Variants in KNTC1 observed in about 807,000 individuals in gnomAD.
The protein encoded by KNTC1 is kinetochore-associated protein 1.
KNTC1 carries 253 observed loss-of-function variants against 314.4 expected under a neutral mutation model. The observed-to-expected ratio is 0.80, with a 90% CI of 0.73 to 0.89. The LOEUF is 0.89. Among genes scored for constraint, KNTC1 ranks in the 40% least tolerant of loss-of-function variants. The pLI, the probability that KNTC1 is intolerant of heterozygous loss-of-function variation, is 0.00. For missense variants in KNTC1, 2,475 were observed against 2,572.9 expected (o/e 0.96, Z 0.82); for synonymous variants, 901 against 901.4 (o/e 1.00, Z 0.01).
intron 37 of KNTC1, 56 bp downstream of exon 37, chr12:122,585,830 A>G (rs1869199513): frequency 1.3e-6 from 2 of 1,560,520 alleles, no homozygotes; most frequent in African/African-American, 2.7e-5. Flanking sequence ...GTAAATTTAA[A>G]CTGTAGAGGT....
intron 57 of KNTC1, among the ~76,000 whole-genome samples, chr12:122,617,250 C>T (rs956032891): frequency 5.3e-5 from 8 of 152,206 alleles, no homozygotes; most frequent in African/African-American, 1.7e-4. Context: ...TTGGGTCTTA[C>T]AGTAACTCTA....
Position 122,568,251 on chromosome 12 carries a change from G to T in KNTC1, c.1605-10G>T, listed in dbSNP as rs1208522099. ...TAAAACTGACTTTTTTCCCTTCTTT[G>T]TCTATTCAGTGGCAGTTCTTGGATT... is the stretch of plus-strand genomic sequence containing the variant. On this transcript the variant is annotated splice_polypyrimidine_tract_variant and intron_variant, in intron 20 of 63. Transcript: ENST00000333479. 1 of 1,299,358 alleles carries T rather than the reference G, an allele frequency of 7.7e-7. No homozygotes were observed. The highest frequency in any genetic ancestry group is 1.3e-5 in the South Asian group (1 of 76,606). The allele number at this position is 1,299,358 out of a possible 1,614,324, so 80.5% of individuals were successfully genotyped here.
At chr12:122,549,101 G>T (rs1963003823) in intron 12 of KNTC1, among the ~76,000 whole-genome samples, 1 of 152,128 alleles carries the variant, frequency 6.6e-6, no homozygotes, top group South Asian at 2.1e-4. Flanking sequence ...ACCCAGACAG[G>T]AGTGTGTGTA....
intron 60 of KNTC1, among the ~76,000 whole-genome samples, chr12:122,620,826 C>T (rs539298421): frequency 6.6e-6 from 1 of 152,108 alleles, no homozygotes; most frequent in African/African-American, 2.4e-5. Context: ...GCCTTATTGT[C>T]TATCAGTGGG....
chr12:122,554,076 A>AAATATATATATATATATATATATATATAT (rs370146333), intron 16 of KNTC1, among the ~76,000 whole-genome samples: 6 of 109,042 alleles, frequency 5.5e-5, no homozygotes, highest in African/African-American at 2.3e-4. Context: ...AAAAAAAAAA[A>AAATATATATATATATATATATATATATAT]ATATATATAT....
At chr12:122,577,631 A>C (rs772644679) in intron 30 of KNTC1, 41 bp from the exon 31 acceptor site, 49 of 1,582,486 alleles carry the variant, frequency 3.1e-5, no homozygotes, top group Non-Finnish European at 3.9e-5. Flanking sequence ...GTCCTTTGCA[A>C]ATACCAGCTG....
At position 122,602,920 on chromosome 12, in the gene KNTC1, T is replaced by C. The variant is rs756846467; in HGVS notation, c.4884+33T>C. The C allele has an allele frequency of 1.1e-4, 165 of 1,563,274 alleles. 1 individual carries two copies. The highest frequency in any genetic ancestry group is 5.0e-4 in the Middle Eastern group (3 of 5,954). ...ATTAAAACATTGTAAGACATTTCTGTATCCTGCAATTAATTCTGACCCCGT... is the reference window on the plus strand; with the variant it reads ...ATTAAAACATTGTAAGACATTTCTGCATCCTGCAATTAATTCTGACCCCGT... On this transcript the variant is annotated intron_variant, in intron 47 of 63. Coordinates refer to ENST00000333479, the MANE Select transcript of KNTC1 (RefSeq NM_014708.6).
chr12:122,590,682 G>A lies in KNTC1; in HGVS notation c.4075G>A (p.Glu1359Lys), dbSNP rs772551615. The change falls in exon 41 of 64, where the codon GAA becomes AAA. Residue 1359 changes from glutamate to lysine, a missense_variant. Glu to Lys is a moderately conservative substitution (Grantham distance 56). Transcript: ENST00000333479. Reference protein sequence around the residue: ...CTLLPQKDVFENLWKLIDKAW... With the variant: ...CTLLPQKDVFKNLWKLIDKAW... ...TCTCTTACCTCAAAAAGATGTGTTT[G>A]AAAATCTCTGGAAGCTCATAGATAA... The A allele has an allele frequency of 4.1e-5, 66 of 1,613,652 alleles. No homozygotes were observed. Among genetic ancestry groups the A allele is most frequent in the East Asian group, 1.1e-4 (5 of 44,842 alleles).
chr12:122,565,106 C>CA (rs1964228410), intron 20 of KNTC1, among the ~76,000 whole-genome samples: 1 of 151,872 alleles, frequency 6.6e-6, no homozygotes, highest in African/African-American at 2.4e-5. Context: ...CTGATGTATG[C>CA]AAAAAAATTT....
chr12:122,579,604 G>GT (rs1387550603), intron 31 of KNTC1, among the ~76,000 whole-genome samples: 2 of 151,930 alleles, frequency 1.3e-5, no homozygotes, highest in Admixed American at 6.6e-5. Context: ...TTTTCCAAAT[G>GT]TTTTTTCAAA....
At position 122,585,736 on chromosome 12, in the gene KNTC1, T is replaced by G; in HGVS notation, c.3635T>G (p.Val1212Gly). The change falls in exon 37 of 64, where the codon GTG becomes GGG. Residue 1212 changes from valine to glycine, a missense_variant. Transcript: ENST00000333479. ...CTTGAGTCACAGATGGTGCTTCCAG[T>G]GATTTATGAACTGATTTCATCTCTT... ...IVLESQMVLP[V>G]IYELISSLVP... is the part of the protein sequence containing the mutation. 1 of 1,613,796 alleles carries G rather than the reference T, an allele frequency of 6.2e-7. No homozygotes were observed. The highest frequency in any genetic ancestry group is 8.5e-7 in the Non-Finnish European group (1 of 1,179,722).
chr12:122,574,794 T>A (rs1027837829), intron 27 of KNTC1, among the ~76,000 whole-genome samples: 2 of 152,242 alleles, frequency 1.3e-5, no homozygotes, highest in Non-Finnish European at 2.9e-5. Flanking sequence ...TGGACAGTTG[T>A]ATGCATATCT....
intron 2 of KNTC1, among the ~76,000 whole-genome samples, chr12:122,531,535 C>T (rs1312931280): frequency 2.0e-5 from 3 of 151,942 alleles, no homozygotes; most frequent in Non-Finnish European, 1.5e-5. Context: ...ATGTTAAAGG[C>T]AGTATAATCC....
chr12:122,567,397 C>A (rs1964418608), intron 20 of KNTC1, among the ~76,000 whole-genome samples: 1 of 152,058 alleles, frequency 6.6e-6, no homozygotes, highest in Admixed American at 6.6e-5. Context: ...AACCAGCTAC[C>A]TTAATGAATT....
At chr12:122,583,967 A>T (rs550692911) in intron 34 of KNTC1, among the ~76,000 whole-genome samples, 1 of 152,228 alleles carries the variant, frequency 6.6e-6, no homozygotes, top group African/African-American at 2.4e-5. Flanking sequence ...TACAAAAAAA[A>T]TTTAAAAATT....
At chr12:122,546,414 A>G (rs1459164952) in intron 9 of KNTC1, 145 bp downstream of exon 9, 2 of 667,424 alleles carry the variant, frequency 3.0e-6, no homozygotes, top group Non-Finnish European at 5.2e-6. Context: ...TCACATACAG[A>G]ACAGTTCTTG....
chr12:122,583,015 C>T, intron 34 of KNTC1, 30 bp downstream of exon 34: 1 of 1,573,058 alleles, frequency 6.4e-7, no homozygotes, highest in Non-Finnish European at 8.6e-7. Flanking sequence ...AATTGCATAG[C>T]TTCTCTGAAA....
At chr12:122,534,827 A>C in intron 3 of KNTC1, 43 bp downstream of exon 3, 1 of 1,585,224 alleles carries the variant, frequency 6.3e-7, no homozygotes, top group Non-Finnish European at 8.6e-7. Context: ...ATTGGAAGTC[A>C]AATACATCTG....
At chr12:122,542,364 T>A (rs142895847) in intron 6 of KNTC1, among the ~76,000 whole-genome samples, 1 of 152,344 alleles carries the variant, frequency 6.6e-6, no homozygotes, top group East Asian at 1.9e-4. Context: ...TTTGGGGAGA[T>A]AAGCTTCAAC....
Sources: allele counts gnomAD v4.1 joint callset (sites outside exome capture counted in the v4.1 genomes callset), GRCh38; gene constraint gnomAD v4.1.1; transcripts MANE v1.5; gene names NCBI Gene and HGNC (gene_info 2026-07-23, HGNC 2026-07-21).